GANAB: variants seen among roughly 807,000 people sequenced by gnomAD.
GANAB encodes neutral alpha-glucosidase AB.
Under a neutral mutation model 129.9 loss-of-function variants are expected in GANAB, and 35 were observed. That is an observed-to-expected ratio of 0.27 (90% CI 0.21 to 0.36). The LOEUF (loss-of-function observed/expected upper bound fraction) is 0.36. GANAB is among the 10% of genes least tolerant of loss of function. The pLI, the probability that GANAB is intolerant of heterozygous loss-of-function variation, is 1.00. For synonymous variants in GANAB, 482 were observed against 451.8 expected (o/e 1.07, Z -0.85); for missense variants, 939 against 1,221.0 (o/e 0.77, Z 3.44).
chr11:62,632,002 C>T (rs1943710307), intron 9 of GANAB, among the ~76,000 whole-genome samples: 1 of 150,572 alleles, frequency 6.6e-6, no homozygotes, highest in African/African-American at 2.5e-5. Flanking sequence ...GAAACAGAGT[C>T]TCACTCTGTC....
In GANAB at chr11:62,639,018, T is replaced by C. The variant is rs1944094465; in HGVS notation, c.345A>G (p.Val115=). ...ELEPRRPRYR[V]PDVLVADPPI... The stretch of plus-strand genomic sequence containing the variant: ...GTGGATCAGCCACCAAAACATCTGG[T>C]ACACGGTATCGGGGTCGCCGAGGCT... The change falls in exon 4 of 24, where the codon GTA becomes GTG. Residue 115 remains valine, a synonymous_variant. Coordinates refer to ENST00000356638, the MANE Select transcript of GANAB (RefSeq NM_198334.3). 6.2e-7 allele frequency: 1 copy of C among 1,614,092 alleles called. No homozygotes were observed. Among genetic ancestry groups the C allele is most frequent in the South Asian group, 1.1e-5 (1 of 91,084 alleles).
At position 62,633,442 on chromosome 11, in the gene GANAB, T is replaced by G. The variant is rs1486323506; in HGVS notation, c.630+3A>C. The stretch of plus-strand genomic sequence containing the variant: ...CTCCAACCACCCACCCGCTCCAACT[T>G]GCCTTGTCGCCATCCCTGGGTGTTT... On this transcript the variant is annotated splice_donor_region_variant and intron_variant, in intron 6 of 23. Coordinates refer to ENST00000356638, the MANE Select transcript of GANAB (RefSeq NM_198334.3). 1 of 1,613,770 alleles carries G rather than the reference T, an allele frequency of 6.2e-7. No homozygotes were observed. The highest frequency in any genetic ancestry group is 1.1e-5 in the South Asian group (1 of 91,052).
chr11:62,634,636 G>C, intron 5 of GANAB, 185 bp downstream of exon 5: 1 of 618,082 alleles, frequency 1.6e-6, no homozygotes, highest in African/African-American at 1.8e-5. Flanking sequence ...ACTGCCTCCT[G>C]GTCTGTACAG....
Position 62,630,431 on chromosome 11 carries a change from C to A in GANAB, c.1461G>T (p.Gly487=). The A allele has an allele frequency of 6.2e-7, 1 of 1,614,212 alleles. No homozygotes were observed. The highest frequency in any genetic ancestry group is 8.5e-7 in the Non-Finnish European group (1 of 1,180,036). ...AGCCATCCCGGGTTTTAACATACAG[C>A]CCCAGGTTCCGCAGCTCCTCGTGAA... ...YRVHEELRNL[G]LYVKTRDGSD... Residue 487 remains glycine, a synonymous_variant, in exon 12 of 24, where the codon GGG becomes GGT. Transcript: ENST00000356638.
At chr11:62,629,171 C>T (rs758370961) in intron 16 of GANAB, 23 bp downstream of exon 16, 4 of 1,582,384 alleles carry the variant, frequency 2.5e-6, no homozygotes, top group South Asian at 1.1e-5. Flanking sequence ...CAAACCAAGA[C>T]CCCAAATTCC....
At chr11:62,635,669 A>G (rs1943912216) in intron 4 of GANAB, among the ~76,000 whole-genome samples, 1 of 150,700 alleles carries the variant, frequency 6.6e-6, no homozygotes, top group South Asian at 2.1e-4. Flanking sequence ...TCTGTTGCCC[A>G]GGCTGGAGCA....
In GANAB at chr11:62,629,024, G is replaced by C. The variant is rs1364932513; in HGVS notation, c.1937-12C>G. The C allele has an allele frequency of 9.9e-6, 16 of 1,609,826 alleles. No individual in the cohort carries two copies. Among genetic ancestry groups the C allele is most frequent in the Non-Finnish European group, 1.3e-5 (15 of 1,176,442 alleles). On this transcript the variant is annotated splice_polypyrimidine_tract_variant and intron_variant, in intron 16 of 23. Transcript: ENST00000356638. The stretch of plus-strand genomic sequence containing the variant: ...GCCACCCACATCCGCTGGTAGAGGA[G>C]AGAGAGGAAGCAGGTTGGAAAAGAG...
At chr11:62,643,023 T>C (rs1414812870) in intron 1 of GANAB, among the ~76,000 whole-genome samples, 4 of 152,174 alleles carry the variant, frequency 2.6e-5, no homozygotes, top group African/African-American at 2.4e-5. Flanking sequence ...CAGGATGAAA[T>C]GGGCCTGTCT....
intron 1 of GANAB, among the ~76,000 whole-genome samples, chr11:62,640,880 C>T (rs2134542946): frequency 6.7e-6 from 1 of 149,476 alleles, no homozygotes; most frequent in South Asian, 2.1e-4. Context: ...GATCTTTCAC[C>T]TTCAGAGGCC....
intron 5 of GANAB, 118 bp downstream of exon 5, chr11:62,634,703 T>C (rs1943857377): frequency 2.4e-6 from 2 of 840,898 alleles, no homozygotes; most frequent in East Asian, 4.9e-5. Flanking sequence ...AGAGAGCTTC[T>C]CCCAGCCCCC....
intron 4 of GANAB, among the ~76,000 whole-genome samples, chr11:62,638,107 G>C (rs561559462): frequency 6.6e-6 from 1 of 152,284 alleles, no homozygotes; most frequent in South Asian, 2.1e-4. Context: ...CCTACGTCTG[G>C]AGCCGTCAAG....
At chr11:62,632,825 TGA>T in intron 8 of GANAB, 80 bp from the exon 9 acceptor site, 2 of 1,191,162 alleles carry the variant, frequency 1.7e-6, no homozygotes. Flanking sequence ...CAGACACAGG[TGA>T]GAGATAAGCA....
intron 20 of GANAB, 69 bp from the exon 21 acceptor site, chr11:62,626,753 C>G (rs1170033078): frequency 7.5e-7 from 1 of 1,330,214 alleles, no homozygotes; most frequent in African/African-American, 1.4e-5. Flanking sequence ...GCATGTTTTG[C>G]TTACTCATGT....
Position 62,629,824 on chromosome 11 carries a change from C to T in GANAB, c.1727G>A (p.Gly576Asp). 1 of 1,614,184 alleles carries T rather than the reference C, an allele frequency of 6.2e-7. No homozygotes were observed. The highest frequency in any genetic ancestry group is 8.5e-7 in the Non-Finnish European group (1 of 1,180,034). Residue 576 changes from glycine (G) to aspartate (D), a missense_variant, in exon 14 of 24, where the codon GGC (glycine) becomes GAC (aspartate). Transcript: ENST00000356638. ...WEHRDVHNIY[G>D]LYVHMATADG... ...CTCTCAGGCCCTTACCACATAAAGG[C>T]CATAGATGTTATGCACATCCCGGTG...
intron 1 of GANAB, among the ~76,000 whole-genome samples, chr11:62,641,336 T>A (rs1590824099): frequency 1.2e-5 from 1 of 85,992 alleles, no homozygotes. Flanking sequence ...GGAGCAAAAC[T>A]CTCAGAAAAA....
At chr11:62,644,352 A>T (rs1255358056) in intron 1 of GANAB, among the ~76,000 whole-genome samples, 1 of 152,100 alleles carries the variant, frequency 6.6e-6, no homozygotes, top group African/African-American at 2.4e-5. Flanking sequence ...TCTAAGCAAT[A>T]AAGTTTTACA....
chr11:62,643,271 C>T (rs1241464124), intron 1 of GANAB, among the ~76,000 whole-genome samples: 1 of 152,070 alleles, frequency 6.6e-6, no homozygotes, highest in African/African-American at 2.4e-5. Context: ...TTTGGGAGGC[C>T]CAGGTGGGCA....
In GANAB at chr11:62,625,416, GC is replaced by G; in HGVS notation, c.*398del. On this transcript the variant is annotated 3_prime_UTR_variant, in exon 24 of 24. Transcript: ENST00000356638. ...AGGGGAAAAGGAGCCCTAACTCATT[GC>G]CCTCATCTTCTTCCAAGAAGTGGCA... The G allele has an allele frequency of 2.5e-6, 1 of 400,658 alleles. No homozygotes were observed. The highest frequency in any genetic ancestry group is 4.9e-6 in the Non-Finnish European group (1 of 202,998). The allele number at this position is 400,658 out of a possible 1,614,324, so 24.8% of individuals were successfully genotyped here. A position where few individuals can be genotyped will look rare whatever the true frequency, so the allele number is the denominator to read the frequency against.
At chr11:62,631,278 A>G (rs1943665897) in intron 9 of GANAB, 95 bp from the exon 10 acceptor site, 1 of 1,207,098 alleles carries the variant, frequency 8.3e-7, no homozygotes, top group Non-Finnish European at 1.2e-6. Flanking sequence ...GAGTCCACAC[A>G]GAGCTGGCTC....
Sources: allele counts gnomAD v4.1 joint callset (sites outside exome capture counted in the v4.1 genomes callset), GRCh38; gene constraint gnomAD v4.1.1; transcripts MANE v1.5; gene names NCBI Gene and HGNC (gene_info 2026-07-23, HGNC 2026-07-21).